Variants in CEP162 observed in about 807,000 individuals in gnomAD.
The protein encoded by CEP162 is centrosomal protein 162, also known as centrosomal protein of 162 kDa.
CEP162 carries 141 observed loss-of-function variants against 169.2 expected under a neutral mutation model. The ratio of observed to expected loss-of-function variants is 0.83; its 90% CI spans 0.73 to 0.96. The LOEUF (loss-of-function observed/expected upper bound fraction) is 0.96, where lower values mean the gene tolerates loss of function less well. Among genes scored for constraint, CEP162 ranks in the 40% least tolerant of loss-of-function variants. The pLI is 0.00. For missense variants in CEP162, 1,600 were observed against 1,587.2 expected (o/e 1.01, Z -0.14); for synonymous variants, 540 against 526.4 (o/e 1.03, Z -0.35).
rs1562093933 is a variant in CEP162, at chr6:84,215,373, GC to G, written c.411del (p.Arg137SerfsTer6). 1 of 1,606,948 alleles carries G rather than the reference GC, an allele frequency of 6.2e-7. No homozygotes were observed. Among genetic ancestry groups the G allele is most frequent in the Non-Finnish European group, 8.5e-7 (1 of 1,175,768 alleles). On this transcript the variant is annotated frameshift_variant, in exon 5 of 27. Coordinates refer to ENST00000403245, the MANE Select transcript of CEP162 (RefSeq NM_014895.4). LOFTEE classifies it high-confidence loss of function. ...ATGGAAGATGTCAAGCCTTTCTCAA[GC>G]CTGGCAAAAAATTGTTCTTTCTCCT... The part of the protein sequence containing the change: ...EQEEKEQFFA[R>X]LEKGLTSSID...
At position 84,194,969 on chromosome 6, in the gene CEP162, G is replaced by A; in HGVS notation, c.942C>T (p.Asn314=). The A allele has an allele frequency of 6.2e-7, 1 of 1,613,352 alleles. No individual in the cohort carries two copies. Among genetic ancestry groups the A allele is most frequent in the Non-Finnish European group, 8.5e-7 (1 of 1,179,550 alleles). Residue 314 remains asparagine, a synonymous_variant, in exon 10 of 27, where the codon AAC becomes AAT. Transcript: ENST00000403245. ...GDEDKQKIES[N]TVEDIKSSVK... ...CTGAGCTCTTGATATCTTCCACTGT[G>A]TTACTCTCAATTTTTTGTTTGTCTT...
intron 4 of CEP162, 138 bp from the exon 5 acceptor site, chr6:84,215,603 C>T (rs2127750089): frequency 8.7e-7 from 1 of 1,146,882 alleles, no homozygotes. Context: ...AATATGAATT[C>T]ATATTAATAA....
chr6:84,135,471 A>T (rs2099513637), intron 25 of CEP162, among the ~76,000 whole-genome samples: 1 of 152,200 alleles, frequency 6.6e-6, no homozygotes, highest in African/African-American at 2.4e-5. Flanking sequence ...CCCAGAGAAG[A>T]CATTTGTCTT....
At chr6:84,179,820 C>T (rs1477589214) in intron 13 of CEP162, among the ~76,000 whole-genome samples, 1 of 152,174 alleles carries the variant, frequency 6.6e-6, no homozygotes, top group South Asian at 2.1e-4. Context: ...GAATAGACCA[C>T]TAACAGGCTC....
intron 6 of CEP162, among the ~76,000 whole-genome samples, chr6:84,209,829 A>T (rs2099548755): frequency 6.6e-6 from 1 of 152,208 alleles, no homozygotes; most frequent in South Asian, 2.1e-4. Flanking sequence ...AAATACTAGC[A>T]TCCAGTACAT....
intron 5 of CEP162, 73 bp from the exon 6 acceptor site, chr6:84,213,097 GT>G: frequency 1.1e-6 from 1 of 901,692 alleles, no homozygotes; most frequent in Admixed American, 2.4e-5. Context: ...TCTGTATACC[GT>G]TTTAAAAAAT....
intron 2 of CEP162, among the ~76,000 whole-genome samples, chr6:84,225,717 T>C (rs2099555451): frequency 6.8e-6 from 1 of 146,896 alleles, no homozygotes; most frequent in Admixed American, 6.6e-5. Context: ...ATTAATGTGC[T>C]AAGTGCTATA....
At chr6:84,157,996 T>G (rs1364670253) in intron 21 of CEP162, among the ~76,000 whole-genome samples, 1 of 152,190 alleles carries the variant, frequency 6.6e-6, no homozygotes, top group African/African-American at 2.4e-5. Context: ...CTGGATACTT[T>G]TCATTTAATA....
At chr6:84,180,988 A>T (rs1437693721) in intron 13 of CEP162, among the ~76,000 whole-genome samples, 1 of 152,190 alleles carries the variant, frequency 6.6e-6, no homozygotes, top group Non-Finnish European at 1.5e-5. Context: ...AGAATTGGAA[A>T]AAACTACTTT....
intron 18 of CEP162, 69 bp downstream of exon 18, chr6:84,169,259 T>G: frequency 1.2e-6 from 1 of 846,536 alleles, no homozygotes; most frequent in Non-Finnish European, 1.8e-6. Context: ...TAATAAAAAT[T>G]TGTATAAAAA....
chr6:84,128,608 T>C (rs903797183), intron 25 of CEP162, among the ~76,000 whole-genome samples: 1 of 152,146 alleles, frequency 6.6e-6, no homozygotes, highest in Admixed American at 6.6e-5. Flanking sequence ...ATGGGAATAA[T>C]AGTAGTAACT....
At chr6:84,162,077 A>G (rs537835432) in intron 19 of CEP162, among the ~76,000 whole-genome samples, 168 bp from the exon 20 acceptor site, 14 of 152,320 alleles carry the variant, frequency 9.2e-5, no homozygotes. Flanking sequence ...AGCTTAATCT[A>G]TTAGTCAAAG....
In CEP162 at chr6:84,227,260, A is replaced by G. The variant is rs114400384; in HGVS notation, c.-60+320T>C. ...GGAAGAGGGCTTGCAGACCCGGACA[A>G]TACCCTCCCCATCGTGCAGAGTAAC... On this transcript the variant is annotated intron_variant, in intron 1 of 26. Transcript: ENST00000403245. Among the ~76,000 whole-genome samples, 935 of 152,190 alleles carry G rather than the reference A, an allele frequency of 6.1e-3. 13 individuals are homozygous for G. The highest frequency in any genetic ancestry group is 0.022 in the African/African-American group (897 of 41,524).
intron 25 of CEP162, among the ~76,000 whole-genome samples, chr6:84,140,952 A>G (rs2099516335): frequency 6.6e-6 from 1 of 152,172 alleles, no homozygotes; most frequent in Non-Finnish European, 1.5e-5. Flanking sequence ...TTTTGGGATG[A>G]TTCAAGCTCA....
Position 84,163,278 on chromosome 6 carries a change from T to G in CEP162, c.2386-8A>C. ...TAAACTGTCTTTTTCTTTCTTGATA[T>G]TCAAAAGAAATATAAAAGCAAGTTT... On this transcript the variant is annotated splice_region_variant and splice_polypyrimidine_tract_variant and intron_variant, in intron 18 of 26. Transcript: ENST00000403245. 1 of 1,593,394 alleles carries G rather than the reference T, an allele frequency of 6.3e-7. No individual in the cohort carries two copies. The highest frequency in any genetic ancestry group is 8.6e-7 in the Non-Finnish European group (1 of 1,166,054).
intron 7 of CEP162, 31 bp downstream of exon 7, chr6:84,203,948 CAA>C: frequency 7.0e-7 from 1 of 1,424,166 alleles, no homozygotes; most frequent in Non-Finnish European, 9.6e-7. Context: ...AAAAAAGTTG[CAA>C]AACTGTCAAA....
chr6:84,176,888 A>C (rs543095256), intron 13 of CEP162, among the ~76,000 whole-genome samples: 1 of 151,222 alleles, frequency 6.6e-6, no homozygotes, highest in Non-Finnish European at 1.5e-5. Context: ...AATTATATTT[A>C]TTTTAATTTT....
chr6:84,204,354 A>G (rs1229562945), intron 6 of CEP162, among the ~76,000 whole-genome samples: 1 of 152,218 alleles, frequency 6.6e-6, no homozygotes, highest in Non-Finnish European at 1.5e-5. Context: ...CAAATGTAAA[A>G]GAATATAAAT....
At chr6:84,144,719 G>C (rs1268273015) in intron 25 of CEP162, among the ~76,000 whole-genome samples, 3 of 152,002 alleles carry the variant, frequency 2.0e-5, no homozygotes, top group Admixed American at 6.6e-5. Flanking sequence ...TTAATTACAT[G>C]GGACTAAGTA....
Sources: gnomAD v4.1 joint callset for allele counts (sites outside exome capture counted in the v4.1 genomes callset) on GRCh38, gnomAD v4.1.1 for gene constraint, MANE v1.5 for transcripts, NCBI Gene and HGNC (gene_info 2026-07-23, HGNC 2026-07-21) for gene names.